Variants in MCTP1 observed in about 807,000 individuals in gnomAD.
MCTP1 encodes the protein multiple C2 and transmembrane domain-containing protein 1.
A neutral mutation model predicts 120.6 loss-of-function variants in MCTP1; 69 were observed. The observed-to-expected ratio is 0.57, with a 90% CI of 0.47 to 0.70. MCTP1 has a LOEUF of 0.70. Among genes scored for constraint, MCTP1 ranks in the 30% least tolerant of loss-of-function variants. The pLI is 0.00. For synonymous variants in MCTP1, 529 were observed against 493.1 expected (o/e 1.07, Z -0.96); for missense variants, 1,203 against 1,248.8 (o/e 0.96, Z 0.55).
intron 1 of MCTP1, among the ~76,000 whole-genome samples, chr5:95,117,320 G>C (rs1757892937): frequency 6.8e-6 from 1 of 146,496 alleles, no homozygotes; most frequent in African/African-American, 2.5e-5. Context: ...GAACCCGGGA[G>C]GCAGAGCTTG....
chr5:95,217,231 T>C (rs913790749), intron 1 of MCTP1, among the ~76,000 whole-genome samples: 8 of 152,240 alleles, frequency 5.3e-5, no homozygotes, highest in African/African-American at 1.9e-4. Context: ...TTTCCTGGAA[T>C]TTAACATTAA....
At chr5:95,245,623 GAA>G (rs58685073) in intron 1 of MCTP1, among the ~76,000 whole-genome samples, 5 of 141,806 alleles carry the variant, frequency 3.5e-5, no homozygotes, top group Admixed American at 1.4e-4. Flanking sequence ...GACAAGATTA[GAA>G]AAAAAAAAAG....
chr5:95,074,044 A>G (rs937493108), intron 1 of MCTP1, among the ~76,000 whole-genome samples: 1 of 152,168 alleles, frequency 6.6e-6, no homozygotes, highest in African/African-American at 2.4e-5. Flanking sequence ...TGAACCTGGG[A>G]GGTGGAGGTT....
chr5:95,045,484 A>T (rs1272086816), intron 1 of MCTP1, among the ~76,000 whole-genome samples: 2 of 152,190 alleles, frequency 1.3e-5, no homozygotes, highest in Non-Finnish European at 2.9e-5. Flanking sequence ...ATGAATGAAG[A>T]ACAGTTCCTA....
At chr5:94,990,287 C>T (rs1037047862) in intron 2 of MCTP1, among the ~76,000 whole-genome samples, 4 of 152,204 alleles carry the variant, frequency 2.6e-5, no homozygotes, top group African/African-American at 9.7e-5. Flanking sequence ...AAATCCCACA[C>T]ATTTGGTGTC....
At chr5:95,128,054 G>A (rs1562165599) in intron 1 of MCTP1, among the ~76,000 whole-genome samples, 2 of 152,228 alleles carry the variant, frequency 1.3e-5, no homozygotes, top group Non-Finnish European at 1.5e-5. Context: ...GCCTAGATAA[G>A]TATTTTTGAC....
chr5:94,820,525 G>A lies in MCTP1; in HGVS notation c.2437-21393C>T, dbSNP rs548085663. ...TTTGAGGTTTGTGAGAAAAAATCTT[G>A]TCCCATTCTCAGCCCATGTCCATGT... On this transcript the variant is annotated intron_variant, in intron 17 of 22. Transcript: ENST00000515393. 2.6e-5 allele frequency among the ~76,000 whole-genome samples: 4 copies of A among 152,298 alleles called. No individual in the cohort carries two copies. In the South Asian group the frequency reaches 8.3e-4, roughly 32 times the overall value.
At chr5:95,045,020 A>G (rs1278330435) in intron 1 of MCTP1, among the ~76,000 whole-genome samples, 3 of 152,080 alleles carry the variant, frequency 2.0e-5, no homozygotes, top group Non-Finnish European at 4.4e-5. Flanking sequence ...TCCCTACTGT[A>G]GCTCACAAAG....
intron 1 of MCTP1, among the ~76,000 whole-genome samples, chr5:95,136,945 A>G (rs912508826): frequency 6.6e-6 from 1 of 152,228 alleles, no homozygotes; most frequent in Admixed American, 6.5e-5. Flanking sequence ...GAGAAAAATT[A>G]TATTTTGTAA....
chr5:95,137,834 C>T (rs983452339), intron 1 of MCTP1, among the ~76,000 whole-genome samples: 1 of 152,112 alleles, frequency 6.6e-6, no homozygotes, highest in Non-Finnish European at 1.5e-5. Context: ...AAGGCTGTTT[C>T]CCTAATGTGG....
At position 94,930,267 on chromosome 5, in the gene MCTP1, ATTTTTTTTTTTTTTTT is replaced by A. The variant is rs869306266; in HGVS notation, c.1212+1670_1212+1685del. ...CATTTAATATAATTTTTAAAGAAGA[ATTTTTTTTTTTTTTTT>A]TTTTTTTTGAGACAGAGTCTCACTC... On this transcript the variant is annotated intron_variant, in intron 6 of 22. Transcript: ENST00000515393. Among the ~76,000 whole-genome samples the A allele has an allele frequency of 7.6e-3, 768 of 100,994 alleles. 11 individuals carry two copies. Among genetic ancestry groups the A allele is most frequent in the African/African-American group, 0.029 (754 of 26,282 alleles). 66.3% of individuals were successfully genotyped at this position (100,994 alleles called of 152,430 possible).
At chr5:94,793,728 A>G (rs2152995760) in intron 18 of MCTP1, 1 of 152,388 alleles carries the variant, frequency 6.6e-6, no homozygotes, top group East Asian at 1.9e-4. Context: ...TACTTGACTT[A>G]TTCAGTATTC....
At chr5:94,829,018 A>C (rs114597154) in intron 17 of MCTP1, among the ~76,000 whole-genome samples, 73,817 of 151,848 alleles carry the variant, frequency 0.49, 21,364 homozygotes, top group Non-Finnish European at 0.67. Context: ...CAACAACAAA[A>C]AAAAAACTCC....
chr5:94,977,079 A>G (rs1045819813), intron 2 of MCTP1, among the ~76,000 whole-genome samples: 25 of 152,112 alleles, frequency 1.6e-4, no homozygotes, highest in Admixed American at 6.6e-5. Flanking sequence ...AAAACAGAAG[A>G]TTCCACAACA....
chr5:95,185,861 G>A (rs926893326), intron 1 of MCTP1, among the ~76,000 whole-genome samples: 2 of 151,964 alleles, frequency 1.3e-5, no homozygotes, highest in Admixed American at 6.6e-5. Context: ...ATGGTGGCAC[G>A]CACCTGTAAT....
rs137979343 is a variant in MCTP1 at position 94,870,947 on chromosome 5, G to A, written c.2166C>T (p.Tyr722=). Residue 722 remains tyrosine (Y), a synonymous_variant, in exon 15 of 23, where the codon TAC becomes TAT. Transcript: ENST00000515393. The part of the protein sequence containing the change: ...LSIQNGEQKA[Y]VLKNKQLTGP... ...CTGTCAGCTGCTTGTTTTTCAAGAC[G>A]TAGGCTTTCTGTTCACCATTTTGAA... The A allele has an allele frequency of 8.7e-6, 14 of 1,613,008 alleles. No homozygotes were observed. The East Asian group carries it at 2.0e-4, about 23-fold the overall frequency.
intron 17 of MCTP1, chr5:94,826,727 T>C: frequency 2.6e-6 from 1 of 383,716 alleles, no homozygotes; most frequent in South Asian, 2.7e-5. Flanking sequence ...AGTTGACACA[T>C]CCACTTAAAG....
At chr5:94,953,793 G>C in intron 2 of MCTP1, among the ~76,000 whole-genome samples, 1 of 122,832 alleles carries the variant, frequency 8.1e-6, no homozygotes, top group East Asian at 2.3e-4. Context: ...ATATTCCATG[G>C]CATATATATA....
chr5:94,874,193 G>A (rs1798338773), intron 12 of MCTP1, among the ~76,000 whole-genome samples: 1 of 152,042 alleles, frequency 6.6e-6, no homozygotes. Context: ...TACATAAGAG[G>A]TTAATGTGCA....
Sources: gnomAD v4.1 joint callset for allele counts (sites outside exome capture counted in the v4.1 genomes callset) on GRCh38, gnomAD v4.1.1 for gene constraint, MANE v1.5 for transcripts, NCBI Gene and HGNC (gene_info 2026-07-23, HGNC 2026-07-21) for gene names.